BRWD1: variants seen among roughly 807,000 people sequenced by gnomAD.
The protein encoded by BRWD1 is bromodomain and WD repeat-containing protein 1.
In BRWD1, 82 loss-of-function variants were observed where a neutral mutation model predicts 251.2. The ratio of observed to expected loss-of-function variants is 0.33; its 90% CI spans 0.27 to 0.39. BRWD1 has a LOEUF of 0.39. Among genes scored for constraint, BRWD1 ranks in the 10% least tolerant of loss-of-function variants. The probability of loss-of-function intolerance (pLI) is 1.00; values close to 1 mark genes in which losing one functional copy is unlikely to be tolerated. For synonymous variants in BRWD1, 918 were observed against 902.8 expected (o/e 1.02, Z -0.30); for missense variants, 2,233 against 2,711.6 (o/e 0.82, Z 3.92).
chr21:39,229,411 C>A lies in BRWD1; in HGVS notation c.3026G>T (p.Gly1009Val). 6.2e-7 allele frequency: 1 copy of A among 1,609,788 alleles called. No homozygotes were observed. The highest frequency in any genetic ancestry group is 8.5e-7 in the Non-Finnish European group (1 of 1,176,590). Residue 1009 changes from glycine (G) to valine (V), a missense_variant, in exon 26 of 41, where the codon GGA becomes GTA. Coordinates refer to ENST00000342449, the MANE Select transcript of BRWD1 (RefSeq NM_033656.4). Reference protein sequence around the residue: ...LRDQELVKIVGIRYEVGPPTL... With the variant: ...LRDQELVKIVVIRYEVGPPTL... ...AGGGGGCCCAACTTCATATCGTATT[C>A]CAACTATTTTAACCAATTCTTGATC...
intron 3 of BRWD1, 60 bp downstream of exon 3, chr21:39,313,012 C>T (rs1431136494): frequency 1.7e-6 from 2 of 1,156,400 alleles, no homozygotes; most frequent in Non-Finnish European, 2.1e-6. Context: ...GGGCGAGCAT[C>T]CCTCAGGGCA....
At position 39,296,290 on chromosome 21, in the gene BRWD1, C is replaced by G; in HGVS notation, c.423G>C (p.Val141=). The change falls in exon 6 of 41, where the codon GTG becomes GTC. Residue 141 remains valine (V), a synonymous_variant. Transcript: ENST00000342449. ...LHRGRPPEMP[V]NYGSPPNLVE... ...CAAGATTTGGTGGGGAACCATAATTCACTGGCATTTCAGGAGGTCTTCCTC... is the reference window on the plus strand; with the variant it reads ...CAAGATTTGGTGGGGAACCATAATTGACTGGCATTTCAGGAGGTCTTCCTC... The G allele has an allele frequency of 6.2e-7, 1 of 1,600,712 alleles. No individual in the cohort carries two copies. The highest frequency in any genetic ancestry group is 8.5e-7 in the Non-Finnish European group (1 of 1,174,934).
intron 38 of BRWD1, among the ~76,000 whole-genome samples, chr21:39,201,146 G>T (rs578118978): frequency 6.6e-6 from 1 of 152,144 alleles, no homozygotes; most frequent in African/African-American, 2.4e-5. Flanking sequence ...AGCACAGTAA[G>T]GTCATTTCTT....
intron 15 of BRWD1, among the ~76,000 whole-genome samples, chr21:39,269,676 C>T (rs1051795670): frequency 6.6e-6 from 1 of 152,116 alleles, no homozygotes; most frequent in Non-Finnish European, 1.5e-5. Context: ...AAATGCTCAA[C>T]AGGTAACTTA....
chr21:39,204,170 A>T (rs533603354), intron 37 of BRWD1, among the ~76,000 whole-genome samples: 1,455 of 143,266 alleles, frequency 0.01, 19 homozygotes, highest in Non-Finnish European at 0.014. Context: ...AAAAAAAAAA[A>T]AGTGATCTGA....
At chr21:39,315,257 G>A (rs187982520), upstream of BRWD1, among the ~76,000 whole-genome samples, 1 of 152,080 alleles carries the variant, frequency 6.6e-6, no homozygotes, top group Admixed American at 6.5e-5. Flanking sequence ...ACCCGCCTTG[G>A]CCTCCCGAAG....
intron 17 of BRWD1, among the ~76,000 whole-genome samples, chr21:39,264,092 G>A (rs1185310191): frequency 2.6e-5 from 4 of 152,002 alleles, no homozygotes; most frequent in Non-Finnish European, 5.9e-5. Flanking sequence ...ACTAACTTTC[G>A]TATTTCGTAT....
At chr21:39,197,562 A>G in intron 40 of BRWD1, 147 bp from the exon 41 acceptor site, 1 of 651,092 alleles carries the variant, frequency 1.5e-6, no homozygotes, top group Non-Finnish European at 2.6e-6. Context: ...GTATAGTCAT[A>G]TGTTGCTCAA....
intron 4 of BRWD1, among the ~76,000 whole-genome samples, chr21:39,304,119 C>T (rs1242958059): frequency 1.6e-5 from 2 of 123,462 alleles, no homozygotes; most frequent in South Asian, 5.0e-4. Flanking sequence ...CCAGCCTGGG[C>T]AACCAGAGTG....
rs1014814249 is a variant in BRWD1, at chr21:39,195,022, T to A, written c.*1237A>T. 48 of 1,371,534 alleles carry A rather than the reference T, an allele frequency of 3.5e-5. No individual in the cohort carries two copies. Among genetic ancestry groups the A allele is most frequent in the African/African-American group, 1.5e-5 (1 of 67,934 alleles). 85.0% of individuals were successfully genotyped at this position (1,371,534 alleles called of 1,614,324 possible). On this transcript the variant is annotated 3_prime_UTR_variant, in exon 41 of 41. Coordinates refer to ENST00000342449, the MANE Select transcript of BRWD1 (RefSeq NM_033656.4). Reference sequence around the variant, plus strand: ...ATCTACACTGGAGTAGCATAACCTATCAAGTATTTGGTTAGAAAATAAGTG... The same window carrying A: ...ATCTACACTGGAGTAGCATAACCTAACAAGTATTTGGTTAGAAAATAAGTG...
At chr21:39,236,851 A>G in intron 22 of BRWD1, 67 bp from the exon 23 acceptor site, 1 of 1,404,256 alleles carries the variant, frequency 7.1e-7, no homozygotes, top group South Asian at 1.3e-5. Flanking sequence ...AGTCAATCAT[A>G]TAAAATTGAG....
Position 39,199,038 on chromosome 21 carries a change from G to A in BRWD1, c.5378C>T (p.Ser1793Phe), listed in dbSNP as rs375041693. Reference sequence around the variant, plus strand: ...CCTACCACCAGATCTTCCTGGTTCAGAATCTGCTTCCTCTGAGATGCTCTC... The same window carrying A: ...CCTACCACCAGATCTTCCTGGTTCAAAATCTGCTTCCTCTGAGATGCTCTC... ...KAESISEEAD[S>F]EPGRSGGRKY... Residue 1793 changes from serine (S) to phenylalanine (F), a missense_variant, in exon 40 of 41, where the codon TCT becomes TTT. Around this residue, in one of 12 missense-constraint regions of BRWD1, gnomAD observed 928 missense variants for 970.0 expected, o/e 0.96. Coordinates refer to ENST00000342449, the MANE Select transcript of BRWD1 (RefSeq NM_033656.4). 8.1e-6 allele frequency: 13 copies of A among 1,613,986 alleles called. No homozygotes were observed. Among genetic ancestry groups the A allele is most frequent in the Non-Finnish European group, 1.0e-5 (12 of 1,180,040 alleles).
Position 39,194,932 on chromosome 21 carries a change from C to T in BRWD1, c.*1327G>A, listed in dbSNP as rs929100015. The stretch of plus-strand genomic sequence containing the variant: ...GTGGGGTACTGTAACATATCCCTTA[C>T]CCACTAAATATGTAAACCATTTGAA... On this transcript the variant is annotated 3_prime_UTR_variant, in exon 41 of 41. Coordinates refer to ENST00000342449, the MANE Select transcript of BRWD1 (RefSeq NM_033656.4). The T allele has an allele frequency of 4.0e-6, 6 of 1,485,358 alleles. No homozygotes were observed. The highest frequency in any genetic ancestry group is 5.3e-6 in the Non-Finnish European group (6 of 1,123,682). 92.0% of individuals were successfully genotyped at this position (1,485,358 alleles called of 1,614,324 possible).
intron 17 of BRWD1, among the ~76,000 whole-genome samples, chr21:39,260,537 T>C (rs1179124803): frequency 2.6e-5 from 4 of 152,194 alleles, no homozygotes; most frequent in Non-Finnish European, 4.4e-5. Context: ...TACTGAAATA[T>C]TGAAGGAGGG....
intron 8 of BRWD1, among the ~76,000 whole-genome samples, chr21:39,291,434 G>A (rs1244730295): frequency 1.3e-5 from 2 of 152,096 alleles, no homozygotes; most frequent in African/African-American, 4.8e-5. Flanking sequence ...TTCAAAACAT[G>A]ATAGAAAAGC....
At chr21:39,306,291 G>A (rs1039497294) in intron 4 of BRWD1, among the ~76,000 whole-genome samples, 1 of 151,832 alleles carries the variant, frequency 6.6e-6, no homozygotes, top group Admixed American at 6.6e-5. Flanking sequence ...GGATGGTCTC[G>A]ATCTCTTGAC....
chr21:39,245,859 C>CG (rs1366186428), intron 21 of BRWD1, among the ~76,000 whole-genome samples: 1 of 151,986 alleles, frequency 6.6e-6, no homozygotes, highest in African/African-American at 2.4e-5. Context: ...ACCTTGGCCT[C>CG]GCAAAGTCCT....
At chr21:39,301,041 T>C (rs1205038218) in intron 4 of BRWD1, among the ~76,000 whole-genome samples, 1 of 151,894 alleles carries the variant, frequency 6.6e-6, no homozygotes, top group Non-Finnish European at 1.5e-5. Flanking sequence ...TAGCCAGGCG[T>C]GGTGGCAGGT....
chr21:39,255,558 C>T (rs1289516820), intron 19 of BRWD1, 87 bp downstream of exon 19: 5 of 1,106,942 alleles, frequency 4.5e-6, no homozygotes, highest in East Asian at 5.2e-5. Context: ...ATTATTTACA[C>T]AATTAATGGA....
Sources: gnomAD v4.1 joint callset for allele counts (sites outside exome capture counted in the v4.1 genomes callset) on GRCh38, gnomAD v4.1.1 for gene constraint, gnomAD v4.1.1 regional missense constraint, MANE v1.5 for transcripts, NCBI Gene and HGNC (gene_info 2026-07-23, HGNC 2026-07-21) for gene names.